The following TMEM150B variants were observed in gnomAD, a reference collection of about 807,000 sequenced individuals.
The protein encoded by TMEM150B is transmembrane protein 150B.
A neutral mutation model predicts 25.2 loss-of-function variants in TMEM150B; 33 were observed. That is an observed-to-expected ratio of 1.31 (90% CI 0.99 to 1.75). The LOEUF is 1.75. Among genes scored for constraint, TMEM150B ranks in the 40% most tolerant of loss-of-function variants. The pLI, the probability that TMEM150B is intolerant of heterozygous loss-of-function variation, is 0.00. For synonymous variants in TMEM150B, 133 were observed against 134.8 expected (o/e 0.99, Z 0.09); for missense variants, 322 against 306.1 (o/e 1.05, Z -0.39).
downstream of TMEM150B, among the ~76,000 whole-genome samples, chr19:55,311,694 C>CCGT (rs1300423861): frequency 2.0e-5 from 3 of 152,180 alleles, no homozygotes; most frequent in African/African-American, 4.8e-5. Context: ...GGTGCAGCCC[C>CCGT]CGTCCTAGGG....
downstream of TMEM150B, chr19:55,312,660 G>A (rs1192889373): frequency 5.2e-6 from 3 of 575,098 alleles, no homozygotes; most frequent in African/African-American, 1.9e-5. Context: ...CGAAGGCGGG[G>A]ACGGGGATGC....
intron 7 of TMEM150B, among the ~76,000 whole-genome samples, chr19:55,314,747 A>T (rs1479188763): frequency 1.3e-5 from 2 of 152,138 alleles, no homozygotes; most frequent in Non-Finnish European, 2.9e-5. Flanking sequence ...TCATACCCCA[A>T]GTCACTATAG....
Position 55,316,787 on chromosome 19 carries a change from G to A in TMEM150B, c.504C>T (p.Ala168=). The change falls in exon 7 of 8, where the codon GCC becomes GCT. Residue 168 remains alanine (A), a splice_region_variant and synonymous_variant. Transcript: ENST00000326652. ...CTACCCCGGATACAAGAAGGATACTGGCCACAATGAGGATGGTGCAGACGC... is the reference window on the plus strand; with the variant it reads ...CTACCCCGGATACAAGAAGGATACTAGCCACAATGAGGATGGTGCAGACGC... ...LCSVCTILIV[A]MIVLHACSLR... is the part of the protein sequence containing the mutation. 2.0e-6 allele frequency: 3 copies of A among 1,521,018 alleles called. No individual in the cohort carries two copies. The highest frequency in any genetic ancestry group is 2.6e-6 in the Non-Finnish European group (3 of 1,140,686). 94.2% of individuals were successfully genotyped at this position (1,521,018 alleles called of 1,614,324 possible). A position where few individuals can be genotyped will look rare whatever the true frequency, so the allele number is the denominator to read the frequency against.
intron 1 of TMEM150B, among the ~76,000 whole-genome samples, chr19:55,323,795 G>T (rs753697348): frequency 2.4e-5 from 3 of 126,668 alleles, no homozygotes; most frequent in Non-Finnish European, 3.2e-5. Flanking sequence ...GAGACACTGC[G>T]CCCAACCTTT....
At chr19:55,311,151 G>A (rs948139581), downstream of TMEM150B, among the ~76,000 whole-genome samples, 1 of 151,984 alleles carries the variant, frequency 6.6e-6, no homozygotes, top group African/African-American at 2.4e-5. Flanking sequence ...TAGTAGAGAC[G>A]GGGTTTCACC....
In TMEM150B at chr19:55,316,768, C is replaced by T. The variant is rs760505166; in HGVS notation, c.505+18G>A. 6.1e-6 allele frequency: 9 copies of T among 1,482,336 alleles called. No individual in the cohort carries two copies. The highest frequency in any genetic ancestry group is 5.5e-5 in the Admixed American group (2 of 36,496). The allele number at this position is 1,482,336 out of a possible 1,614,324, so 91.8% of individuals were successfully genotyped here. A position where few individuals can be genotyped will look rare whatever the true frequency, so the allele number is the denominator to read the frequency against. ...GAAGAGCCACCTCCAAGCCCTACCC[C>T]GGATACAAGAAGGATACTGGCCACA... On this transcript the variant is annotated intron_variant, in intron 7 of 7. Coordinates refer to ENST00000326652, the MANE Select transcript of TMEM150B (RefSeq NM_001282011.2).
Position 55,324,732 on chromosome 19 carries a change from G to A in TMEM150B, c.-154+540C>T, listed in dbSNP as rs568381853. The A allele has an allele frequency of 2.2e-5, 22 of 985,406 alleles. No individual in the cohort carries two copies. In the African/African-American group the frequency reaches 3.8e-4, roughly 17 times the overall value. The allele number at this position is 985,406 out of a possible 1,614,324, so 61.0% of individuals were successfully genotyped here. The stretch of plus-strand genomic sequence containing the variant: ...GCTGATAGAGGGCAAAGCTCTCCAA[G>A]TCCTCCTCACCCCTTCTGCTGCCAA... On this transcript the variant is annotated intron_variant, in intron 1 of 7. Coordinates refer to ENST00000326652, the MANE Select transcript of TMEM150B (RefSeq NM_001282011.2).
At chr19:55,315,537 G>T (rs181957439) in intron 7 of TMEM150B, among the ~76,000 whole-genome samples, 3 of 152,018 alleles carry the variant, frequency 2.0e-5, no homozygotes, top group African/African-American at 7.2e-5. Context: ...CAAAGTGGGC[G>T]CATCACAAGG....
chr19:55,315,231 G>T (rs1227380877), intron 7 of TMEM150B, among the ~76,000 whole-genome samples: 2 of 152,050 alleles, frequency 1.3e-5, no homozygotes, highest in Admixed American at 6.6e-5. Context: ...CACAAGAATT[G>T]CTTGAAACTG....
intron 1 of TMEM150B, 77 bp downstream of exon 1, chr19:55,325,195 G>A: frequency 1.2e-6 from 1 of 856,016 alleles, no homozygotes; most frequent in South Asian, 5.4e-5. Context: ...GACCTGCTTG[G>A]ACCCTCCCTG....
chr19:55,320,876 G>GC, intron 3 of TMEM150B, 93 bp downstream of exon 3: 5 of 1,452,810 alleles, frequency 3.4e-6, no homozygotes, highest in Non-Finnish European at 4.6e-6. Flanking sequence ...AGGGATCCAG[G>GC]CCCCCAACCC....
chr19:55,320,703 TC>T, intron 3 of TMEM150B, 86 bp from the exon 4 acceptor site: 1 of 1,521,330 alleles, frequency 6.6e-7, no homozygotes, highest in South Asian at 1.1e-5. Context: ...TCTAGCCCCC[TC>T]CACCCTCAGA....
intron 6 of TMEM150B, chr19:55,319,429 T>TC (rs1666553947): frequency 8.8e-6 from 1 of 113,294 alleles, no homozygotes; most frequent in African/African-American, 4.0e-5. Flanking sequence ...TTCATCTTCT[T>TC]CTTCTTTTTT....
downstream of TMEM150B, chr19:55,312,734 G>T: frequency 1.8e-6 from 2 of 1,132,488 alleles, no homozygotes; most frequent in Non-Finnish European, 2.5e-6. Context: ...CTCCAGGTCA[G>T]TCAGCGGCAG....
rs778099661 is a variant in TMEM150B, at chr19:55,312,892, C to T, written c.669G>A (p.Pro223=). 11 of 1,596,802 alleles carry T rather than the reference C, an allele frequency of 6.9e-6. No individual in the cohort carries two copies. The East Asian group carries it at 1.6e-4, about 23-fold the overall frequency. The change falls in exon 8 of 8, where the codon CCG becomes CCA. Residue 223 remains proline, a synonymous_variant. Transcript: ENST00000326652. ...VQPWPSLSPP[P]ASPISLPVQL The stretch of plus-strand genomic sequence containing the variant: ...GGACCGGCAGGGAGATGGGGGAGGC[C>T]GGCGGGGGGCTGAGGCTGGGCCACG...
At chr19:55,316,725 A>G (rs1025081703) in intron 7 of TMEM150B, 61 bp downstream of exon 7, 54 of 1,388,254 alleles carry the variant, frequency 3.9e-5, no homozygotes, top group Admixed American at 7.1e-5. Flanking sequence ...ACAGCCAGGC[A>G]GGAAGACCAA....
At chr19:55,321,209 C>T (rs2089199254) in intron 2 of TMEM150B, 116 bp from the exon 3 acceptor site, 1 of 1,359,356 alleles carries the variant, frequency 7.4e-7, no homozygotes, top group Non-Finnish European at 9.6e-7. Flanking sequence ...GATTGGCCAG[C>T]TCTCCATTTC....
intron 7 of TMEM150B, among the ~76,000 whole-genome samples, chr19:55,314,663 C>A (rs755018192): frequency 6.8e-6 from 1 of 147,878 alleles, no homozygotes; most frequent in Non-Finnish European, 1.5e-5. Context: ...CTAAACTGAT[C>A]ATCAGGGCTA....
chr19:55,311,614 A>T (rs960775038), downstream of TMEM150B, among the ~76,000 whole-genome samples: 9 of 152,166 alleles, frequency 5.9e-5, no homozygotes, highest in African/African-American at 2.2e-4. Flanking sequence ...AGAATCTGAG[A>T]GTCTCCTAAA....
Sources: allele counts gnomAD v4.1 joint callset (sites outside exome capture counted in the v4.1 genomes callset), GRCh38; gene constraint gnomAD v4.1.1; transcripts MANE v1.5; gene names NCBI Gene and HGNC (gene_info 2026-07-23, HGNC 2026-07-21).